KIF26B: variants seen among roughly 807,000 people sequenced by gnomAD.
The protein encoded by KIF26B is kinesin family member 26B.
In KIF26B, 63 loss-of-function variants were observed where a neutral mutation model predicts 151.2. The observed-to-expected ratio is 0.42, with a 90% confidence interval of 0.34 to 0.51. The LOEUF (loss-of-function observed/expected upper bound fraction) is 0.51. KIF26B is among the 20% of genes least tolerant of loss of function. The pLI is 0.07. For missense variants in KIF26B, 2,813 were observed against 2,913.6 expected, an observed-to-expected ratio of 0.97 and a Z score of 0.79; for synonymous variants, 1,357 against 1,262.1, an observed-to-expected ratio of 1.08 and a Z score of -1.59.
chr1:245,200,166 G>A lies in KIF26B; in HGVS notation c.465+43483G>A, dbSNP rs887090816. ...GTGTTTAATTTCCAAGATAGGGGCGGTGATATTCCCAAATCCCATTTCTCT... is the reference window on the plus strand; with the variant it reads ...GTGTTTAATTTCCAAGATAGGGGCGATGATATTCCCAAATCCCATTTCTCT... On this transcript the variant is annotated intron_variant, in intron 2 of 14. Coordinates refer to ENST00000407071, the MANE Select transcript of KIF26B (RefSeq NM_018012.4). Among the ~76,000 whole-genome samples, 5 of 152,182 alleles carry A rather than the reference G, an allele frequency of 3.3e-5. No individual in the cohort carries two copies. In the East Asian group the frequency reaches 9.6e-4, roughly 29 times the overall value.
intron 10 of KIF26B, among the ~76,000 whole-genome samples, chr1:245,665,282 T>TA (rs1382201632): frequency 1.4e-4 from 22 of 152,250 alleles, no homozygotes; most frequent in Admixed American, 3.3e-4. Context: ...GATTACAACT[T>TA]ATTTTGAACC....
At chr1:245,313,887 C>T (rs139019691) in intron 2 of KIF26B, among the ~76,000 whole-genome samples, 111 of 152,224 alleles carry the variant, frequency 7.3e-4, no homozygotes, top group African/African-American at 2.3e-3. Context: ...ATTTGGGCCC[C>T]GACACCCTCC....
At chr1:245,415,262 G>A (rs1357451026) in intron 3 of KIF26B, among the ~76,000 whole-genome samples, 2 of 152,278 alleles carry the variant, frequency 1.3e-5, no homozygotes, top group East Asian at 1.9e-4. Flanking sequence ...CCGTTTCAGA[G>A]AGCTTCAGAA....
chr1:245,521,092 T>C (rs564716125), intron 4 of KIF26B, among the ~76,000 whole-genome samples: 93 of 152,074 alleles, frequency 6.1e-4, no homozygotes, highest in Non-Finnish European at 1.1e-3. Flanking sequence ...AATCCCAGCA[T>C]TTTGGGAGGC....
chr1:245,366,504 C>T (rs1672956307), intron 2 of KIF26B, among the ~76,000 whole-genome samples: 1 of 149,376 alleles, frequency 6.7e-6, no homozygotes, highest in Non-Finnish European at 1.5e-5. Context: ...GCGCTCCAGC[C>T]TGGGTGACAA....
In KIF26B at chr1:245,318,123, AAGGACTG is replaced by A. The variant is rs1221060339; in HGVS notation, c.466-48708_466-48702del. ...TCTCAGTTCAGATTGCCTCTGTTGC[AAGGACTG>A]AGAACTCTGAGGAGATCTAGGAGAT... On this transcript the variant is annotated intron_variant, in intron 2 of 14. Coordinates refer to ENST00000407071, the MANE Select transcript of KIF26B (RefSeq NM_018012.4). The surrounding 1 kb of genome is among the most constrained non-coding windows in gnomAD (Gnocchi z 4.0). Among the ~76,000 whole-genome samples, 2 of 152,212 alleles carry A rather than the reference AAGGACTG, an allele frequency of 1.3e-5. No individual in the cohort carries two copies. The highest frequency in any genetic ancestry group is 4.8e-5 in the African/African-American group (2 of 41,456).
intron 9 of KIF26B, among the ~76,000 whole-genome samples, chr1:245,628,987 C>T (rs2043752553): frequency 6.6e-6 from 1 of 152,170 alleles, no homozygotes; most frequent in Non-Finnish European, 1.5e-5. Flanking sequence ...CATGAATGAA[C>T]TCCCATTCAC....
At chr1:245,637,302 T>G (rs556250225) in intron 9 of KIF26B, among the ~76,000 whole-genome samples, 1 of 152,242 alleles carries the variant, frequency 6.6e-6, no homozygotes, top group East Asian at 1.9e-4. Context: ...CTTGGCCACT[T>G]GTGTGTCTTC....
At chr1:245,251,895 T>C (rs79130701) in intron 2 of KIF26B, among the ~76,000 whole-genome samples, 11,772 of 152,236 alleles carry the variant, frequency 0.077, 619 homozygotes, top group Middle Eastern at 0.13. Flanking sequence ...GGTTAATATA[T>C]ATTAAGATTA....
chr1:245,197,892 C>G (rs917319736), intron 2 of KIF26B, among the ~76,000 whole-genome samples: 1 of 152,144 alleles, frequency 6.6e-6, no homozygotes. Flanking sequence ...TTAGCACTCC[C>G]ATGCGTACTG....
intron 10 of KIF26B, among the ~76,000 whole-genome samples, chr1:245,655,182 G>A (rs188688686): frequency 2.0e-5 from 3 of 152,312 alleles, no homozygotes; most frequent in Non-Finnish European, 2.9e-5. Flanking sequence ...ACACTCAGAC[G>A]CTCTCCCTGA....
intron 4 of KIF26B, among the ~76,000 whole-genome samples, chr1:245,436,890 C>CTCT (rs1658947413): frequency 2.5e-5 from 3 of 122,340 alleles, no homozygotes; most frequent in African/African-American, 9.0e-5. Flanking sequence ...TTCTCCCTCT[C>CTCT]TTTTTTTTTT....
intron 3 of KIF26B, among the ~76,000 whole-genome samples, chr1:245,402,361 G>A (rs1246314976): frequency 6.6e-6 from 1 of 152,126 alleles, no homozygotes; most frequent in Non-Finnish European, 1.5e-5. Context: ...TGTCTGCAAG[G>A]TTTGGCAGGC....
At chr1:245,444,415 G>A (rs1449112885) in intron 4 of KIF26B, among the ~76,000 whole-genome samples, 2 of 152,126 alleles carry the variant, frequency 1.3e-5, no homozygotes, top group African/African-American at 2.4e-5. Flanking sequence ...AAGCAGCAGC[G>A]TGGCGACCTA....
chr1:245,190,672 C>A (rs1278589026), intron 2 of KIF26B, among the ~76,000 whole-genome samples: 1 of 125,628 alleles, frequency 8.0e-6, no homozygotes, highest in Admixed American at 8.9e-5. Context: ...TTACAGATGT[C>A]TATTAAAATC....
intron 9 of KIF26B, among the ~76,000 whole-genome samples, chr1:245,622,027 T>TG (rs1378785736): frequency 6.6e-6 from 1 of 152,274 alleles, no homozygotes; most frequent in Non-Finnish European, 1.5e-5. Context: ...GAGTCAGAAT[T>TG]GGTCTCTGTC....
At chr1:245,661,834 CA>C (rs2044144715) in intron 10 of KIF26B, among the ~76,000 whole-genome samples, 2 of 97,454 alleles carry the variant, frequency 2.1e-5, no homozygotes, top group Non-Finnish European at 4.5e-5. Context: ...ATATATTACA[CA>C]CACCATATAT....
intron 2 of KIF26B, among the ~76,000 whole-genome samples, chr1:245,284,688 T>C (rs945698672): frequency 6.6e-6 from 1 of 152,218 alleles, no homozygotes; most frequent in African/African-American, 2.4e-5. Flanking sequence ...ATACCAGATA[T>C]TGGTTATCTT....
chr1:245,168,693 C>T (rs1668655024), intron 2 of KIF26B, among the ~76,000 whole-genome samples: 1 of 151,964 alleles, frequency 6.6e-6, no homozygotes, highest in South Asian at 2.1e-4. Context: ...CTTTTTGCTC[C>T]CTTTGATTTC....
Sources: allele counts gnomAD v4.1 joint callset (sites outside exome capture counted in the v4.1 genomes callset), GRCh38; gene constraint gnomAD v4.1.1; non-coding constraint Gnocchi (gnomAD v3.1); transcripts MANE v1.5; gene names NCBI Gene and HGNC (gene_info 2026-07-23, HGNC 2026-07-21).